Variants in LRPPRC observed in about 807,000 individuals in gnomAD.
The protein encoded by LRPPRC is leucine rich pentatricopeptide repeat containing.
Under a neutral mutation model 180.3 loss-of-function variants are expected in LRPPRC, and 120 were observed. The observed-to-expected ratio is 0.67, with a 90% CI of 0.57 to 0.77. The LOEUF is 0.77. LRPPRC is among the 30% of genes least tolerant of loss of function. The pLI is 0.00. For missense variants in LRPPRC, 2,012 were observed against 1,657.2 expected, an observed-to-expected ratio of 1.21 and a Z score of -3.72; for synonymous variants, 723 against 600.0, an observed-to-expected ratio of 1.21 and a Z score of -3.00.
chr2:43,935,679 G>C (rs1672250146), intron 23 of LRPPRC, among the ~76,000 whole-genome samples: 1 of 152,042 alleles, frequency 6.6e-6, no homozygotes, highest in South Asian at 2.1e-4. Flanking sequence ...CCCATAAAAG[G>C]ACAATTTGCT....
intron 18 of LRPPRC, 137 bp from the exon 19 acceptor site, chr2:43,947,912 T>G: frequency 1.4e-6 from 1 of 689,888 alleles, no homozygotes; most frequent in Non-Finnish European, 2.6e-6. Context: ...ATTCTCTTCA[T>G]ACTTTATTAA....
At chr2:43,899,795 C>T in intron 32 of LRPPRC, 190 bp from the exon 33 acceptor site, 1 of 594,456 alleles carries the variant, frequency 1.7e-6, no homozygotes. Context: ...CAAAAACATT[C>T]ACTAGCTGGT....
At chr2:43,894,456 C>G (rs1402719362) in intron 36 of LRPPRC, 89 bp downstream of exon 36, 1 of 722,734 alleles carries the variant, frequency 1.4e-6, no homozygotes, top group East Asian at 2.7e-5. Flanking sequence ...AGACTTAGTT[C>G]ACTATACTAC....
In LRPPRC at chr2:43,886,588, T is replaced by G. The variant is rs1167698703; in HGVS notation, c.*2012A>C. ...CTGCCGAGAGGGCTAGATAAGGGGG[T>G]CTTACCTATTTCCTCTGTACCACAC... On this transcript the variant is annotated 3_prime_UTR_variant, in exon 38 of 38. Coordinates refer to ENST00000260665, the MANE Select transcript of LRPPRC (RefSeq NM_133259.4). 3 of 152,036 alleles carry G rather than the reference T, an allele frequency of 2.0e-5. No individual in the cohort carries two copies. Among genetic ancestry groups the G allele is most frequent in the Admixed American group, 6.6e-5 (1 of 15,256 alleles). The allele number at this position is 152,036 out of a possible 1,614,324, so 9.4% of individuals were successfully genotyped here.
In LRPPRC at chr2:43,887,655, C is replaced by A. The variant is rs1485854556; in HGVS notation, c.*945G>T. On this transcript the variant is annotated 3_prime_UTR_variant, in exon 38 of 38. Coordinates refer to ENST00000260665, the MANE Select transcript of LRPPRC (RefSeq NM_133259.4). ...GTCAATATTCCATATTATTAAGACA[C>A]CTTTTATAATGGCAAACTCTCCTGA... 1 of 152,168 alleles carries A rather than the reference C, an allele frequency of 6.6e-6. No homozygotes were observed. Among genetic ancestry groups the A allele is most frequent in the Admixed American group, 6.5e-5 (1 of 15,286 alleles). The allele number at this position is 152,168 out of a possible 1,614,324, so 9.4% of individuals were successfully genotyped here.
At chr2:43,993,034 A>T (rs1418635461) in intron 1 of LRPPRC, among the ~76,000 whole-genome samples, 1 of 152,218 alleles carries the variant, frequency 6.6e-6, no homozygotes. Flanking sequence ...AAGCAAGAGG[A>T]ATCAAGCAAA....
chr2:43,995,510 A>T (rs530474640), intron 1 of LRPPRC, among the ~76,000 whole-genome samples: 1 of 152,272 alleles, frequency 6.6e-6, no homozygotes, highest in East Asian at 1.9e-4. Context: ...AGCCCCCCTC[A>T]TCTTCGTTGA....
At chr2:43,986,153 T>G (rs989332999) in intron 1 of LRPPRC, among the ~76,000 whole-genome samples, 2 of 152,170 alleles carry the variant, frequency 1.3e-5, no homozygotes, top group African/African-American at 4.8e-5. Context: ...TATTTTGAGA[T>G]GGAGTCTTGC....
intron 35 of LRPPRC, among the ~76,000 whole-genome samples, chr2:43,895,096 A>G (rs940139372): frequency 1.3e-5 from 2 of 152,254 alleles, no homozygotes; most frequent in African/African-American, 4.8e-5. Flanking sequence ...TCTTCCAGGA[A>G]TATGCAGACT....
chr2:43,987,249 C>CT (rs1559065959), intron 1 of LRPPRC, among the ~76,000 whole-genome samples: 2 of 152,066 alleles, frequency 1.3e-5, no homozygotes, highest in South Asian at 4.1e-4. Context: ...AATCCCAGCA[C>CT]TTAGGGGAGG....
intron 35 of LRPPRC, among the ~76,000 whole-genome samples, chr2:43,895,339 T>C (rs1283822761): frequency 1.3e-5 from 2 of 152,208 alleles, no homozygotes; most frequent in East Asian, 3.8e-4. Context: ...AACTCCTTTC[T>C]ATAGCATGTT....
At chr2:43,946,912 A>G (rs1296850599) in intron 20 of LRPPRC, among the ~76,000 whole-genome samples, 3 of 152,046 alleles carry the variant, frequency 2.0e-5, no homozygotes, top group Non-Finnish European at 2.9e-5. Flanking sequence ...TTAACAACCT[A>G]GTAATATTTG....
intron 12 of LRPPRC, among the ~76,000 whole-genome samples, chr2:43,962,032 A>G (rs896990503): frequency 6.6e-6 from 1 of 152,244 alleles, no homozygotes; most frequent in African/African-American, 2.4e-5. Context: ...AGTTGTTTTC[A>G]ATCCCAAAAC....
At chr2:43,986,762 T>TA (rs2103761704) in intron 1 of LRPPRC, among the ~76,000 whole-genome samples, 1 of 152,308 alleles carries the variant, frequency 6.6e-6, no homozygotes, top group East Asian at 1.9e-4. Context: ...TTGAAGAAAC[T>TA]AATCTGGCTG....
intron 30 of LRPPRC, among the ~76,000 whole-genome samples, chr2:43,906,719 T>G (rs1671078953): frequency 6.6e-6 from 1 of 152,172 alleles, no homozygotes; most frequent in Non-Finnish European, 1.5e-5. Flanking sequence ...CTGGGCAGAT[T>G]GCAACAAAAG....
chr2:43,995,927 G>A lies in LRPPRC; in HGVS notation c.21C>T (p.Ser7=), dbSNP rs1242199070. ...CCCCGGCACGCAGCAACCAACGCGC[G>A]GATCTCAGCAGGGCTGCCATTGCTC... MAALLR[S]ARWLLRAGAA... is the part of the protein sequence containing the mutation. The change falls in exon 1 of 38, where the codon TCC becomes TCT. Residue 7 remains serine (S), a synonymous_variant. Coordinates refer to ENST00000260665, the MANE Select transcript of LRPPRC (RefSeq NM_133259.4). The A allele has an allele frequency of 6.6e-7, 1 of 1,519,158 alleles. No homozygotes were observed. The highest frequency in any genetic ancestry group is 8.8e-7 in the Non-Finnish European group (1 of 1,140,664). The allele number at this position is 1,519,158 out of a possible 1,614,324, so 94.1% of individuals were successfully genotyped here.
intron 11 of LRPPRC, among the ~76,000 whole-genome samples, chr2:43,967,733 G>GC (rs1673625202): frequency 6.6e-6 from 1 of 152,236 alleles, no homozygotes; most frequent in Admixed American, 6.5e-5. Context: ...CCTAAACAAA[G>GC]CATGTGCTTA....
intron 37 of LRPPRC, 134 bp from the exon 38 acceptor site, chr2:43,888,790 T>C: frequency 1.5e-6 from 1 of 657,002 alleles, no homozygotes; most frequent in East Asian, 2.9e-5. Context: ...CCCTCAAGCT[T>C]CAGTACTCCT....
At position 43,973,588 on chromosome 2, in the gene LRPPRC, G is replaced by C. The variant is rs768567258; in HGVS notation, c.1369+19C>G. ...TGGCTCTGGGAACCATTACAAATCGGTAAAAGGCAAAATCTAACCTTGAAC... is the reference window on the plus strand; with the variant it reads ...TGGCTCTGGGAACCATTACAAATCGCTAAAAGGCAAAATCTAACCTTGAAC... On this transcript the variant is annotated intron_variant, in intron 11 of 37. Transcript: ENST00000260665. 1 of 1,554,260 alleles carries C rather than the reference G, an allele frequency of 6.4e-7. No homozygotes were observed. The highest frequency in any genetic ancestry group is 1.4e-5 in the African/African-American group (1 of 73,716).
Sources: allele counts gnomAD v4.1 joint callset (sites outside exome capture counted in the v4.1 genomes callset), GRCh38; gene constraint gnomAD v4.1.1; transcripts MANE v1.5; gene names NCBI Gene and HGNC (gene_info 2026-07-23, HGNC 2026-07-21).